PLAC1: variants seen among roughly 807,000 people sequenced by gnomAD.
The protein encoded by PLAC1 is placenta associated 1.
For synonymous variants in PLAC1, 68 were observed against 62.1 expected (o/e 1.09, Z -0.44); for missense variants, 136 against 163.2 (o/e 0.83, Z 0.91).
chrX:134,574,989 A>C (rs1431986757), intron 2 of PLAC1, among the ~76,000 whole-genome samples: 1 of 111,341 alleles, frequency 9.0e-6, no homozygotes, highest in Non-Finnish European at 1.9e-5. Context: ...CTACACATCC[A>C]CTCCCAGTTC....
In PLAC1 at chrX:134,566,548, G is replaced by T. The variant is rs752679500; in HGVS notation, c.135C>A (p.Asn45Lys). ...CATGAAAGTGTACACACACATCGTT[G>T]TTTAGCATGAAGGGGTGCACTGTGA... ...FMVTVHPFML[N>K]NDVCVHFHEL... The change falls in exon 3 of 3, where the codon AAC (asparagine) becomes AAA (lysine). Residue 45 changes from asparagine to lysine, a missense_variant. By Grantham distance (94) the Asn-to-Lys change is moderately conservative. Coordinates refer to ENST00000359237, the MANE Select transcript of PLAC1 (RefSeq NM_021796.4). The T allele has an allele frequency of 8.3e-7, 1 of 1,211,872 alleles. No homozygotes were observed. The highest frequency in any genetic ancestry group is 2.2e-5 in the Admixed American group (1 of 46,061).
chrX:134,699,716 C>T (rs906859947), intron 2 of PLAC1, among the ~76,000 whole-genome samples: 1 of 112,222 alleles, frequency 8.9e-6, no homozygotes, highest in Non-Finnish European at 1.9e-5. Flanking sequence ...CACCTGTTGC[C>T]CTTCTAGAGT....
chrX:134,595,617 GTA>G (rs57890518), intron 2 of PLAC1, among the ~76,000 whole-genome samples: 24,515 of 102,751 alleles, frequency 0.24, 2,670 homozygotes, highest in African/African-American at 0.38. Context: ...TATAATGTGT[GTA>G]TATATATATA....
chrX:134,742,064 T>C (rs1246818946), intron 1 of PLAC1, among the ~76,000 whole-genome samples: 1 of 112,220 alleles, frequency 8.9e-6, no homozygotes, highest in African/African-American at 3.2e-5. Context: ...GAAGAGCCTT[T>C]TTCCACCCTC....
At chrX:134,637,741 G>A (rs756080109) in intron 1 of PLAC1, among the ~76,000 whole-genome samples, 43 of 111,708 alleles carry the variant, frequency 3.8e-4, no homozygotes, top group African/African-American at 1.3e-3. Flanking sequence ...CCAGCTAGTT[G>A]GGAGGTTGAG....
Position 134,735,359 on chromosome X carries a change from T to C in PLAC1, n.90-1840A>G, listed in dbSNP as rs1017306750. 4.5e-5 allele frequency among the ~76,000 whole-genome samples: 5 copies of C among 111,021 alleles called. 1 individual carries two copies. In the Middle Eastern group the frequency reaches 0.014, roughly 308 times the overall value. On this transcript the variant is annotated intron_variant and non_coding_transcript_variant, in intron 1 of 2. Transcript: ENST00000466797. ...CTCTGCAGTATATGCAATAACCATG[T>C]GGTTGTTCTGCAGTGACTATAAATT...
chrX:134,751,709 TC>T (rs2078745412), intron 1 of PLAC1, among the ~76,000 whole-genome samples: 1 of 111,656 alleles, frequency 9.0e-6, no homozygotes, highest in Non-Finnish European at 1.9e-5. Flanking sequence ...CATTCACTCC[TC>T]CAGGATCTTT....
chrX:134,611,658 C>T (rs1355779570), intron 1 of PLAC1, among the ~76,000 whole-genome samples: 4 of 109,652 alleles, frequency 3.6e-5, no homozygotes, highest in Admixed American at 2.0e-4. Flanking sequence ...ATTAAAATTT[C>T]GCAAAAGAAT....
intron 2 of PLAC1, among the ~76,000 whole-genome samples, chrX:134,722,294 C>T (rs1172841899): frequency 8.9e-6 from 1 of 111,904 alleles, no homozygotes; most frequent in African/African-American, 3.2e-5. Flanking sequence ...CATCAGCTGA[C>T]AAATGGATAA....
intron 2 of PLAC1, among the ~76,000 whole-genome samples, chrX:134,687,813 AACATATATAT>A (rs2078522350): frequency 1.7e-5 from 1 of 57,317 alleles, no homozygotes; most frequent in Non-Finnish European, 3.0e-5. Flanking sequence ...GGACTGAGAT[AACATATATAT>A]ATATATATAT....
intron 2 of PLAC1, among the ~76,000 whole-genome samples, chrX:134,571,129 T>C (rs1308696964): frequency 1.8e-5 from 2 of 111,578 alleles, no homozygotes; most frequent in African/African-American, 6.5e-5. Flanking sequence ...AGAGAATGGA[T>C]TGGCCAAAAC....
At chrX:134,610,334 C>T (rs2078146491) in intron 1 of PLAC1, among the ~76,000 whole-genome samples, 1 of 110,822 alleles carries the variant, frequency 9.0e-6, no homozygotes, top group African/African-American at 3.3e-5. Flanking sequence ...ATACCTGGTC[C>T]CCCTCAACCC....
At chrX:134,674,594 G>A (rs182289044) in intron 2 of PLAC1, among the ~76,000 whole-genome samples, 8 of 112,554 alleles carry the variant, frequency 7.1e-5, no homozygotes, top group Admixed American at 2.8e-4. Context: ...GTGCACAGAC[G>A]TAGGTAATTT....
chrX:134,587,650 A>G (rs967379542), intron 2 of PLAC1, among the ~76,000 whole-genome samples: 2 of 111,034 alleles, frequency 1.8e-5, no homozygotes, highest in African/African-American at 6.5e-5. Flanking sequence ...AGCCCTTTAA[A>G]TCCCTCAGTT....
intron 2 of PLAC1, among the ~76,000 whole-genome samples, chrX:134,581,004 C>T (rs2077971413): frequency 8.9e-6 from 1 of 112,135 alleles, no homozygotes; most frequent in Admixed American, 9.5e-5. Context: ...GGGTACCACA[C>T]ATTCTCCAAC....
chrX:134,719,577 G>A (rs907088922), intron 2 of PLAC1, among the ~76,000 whole-genome samples: 3 of 111,452 alleles, frequency 2.7e-5, no homozygotes, highest in Non-Finnish European at 5.6e-5. Flanking sequence ...ATCACTTGAG[G>A]TCAGGAGTTT....
intron 1 of PLAC1, chrX:134,651,107 C>G (rs1489587760): frequency 7.3e-6 from 2 of 273,660 alleles, no homozygotes; most frequent in African/African-American, 5.5e-5. Flanking sequence ...AGCATGTTGT[C>G]TTTATTGCTC....
At chrX:134,613,227 C>G (rs2078162692) in intron 1 of PLAC1, among the ~76,000 whole-genome samples, 1 of 110,762 alleles carries the variant, frequency 9.0e-6, no homozygotes, top group African/African-American at 3.3e-5. Context: ...TCCTGAGACC[C>G]CTTTGCAGAT....
intron 1 of PLAC1, among the ~76,000 whole-genome samples, chrX:134,760,843 G>A (rs2078768033): frequency 9.0e-6 from 1 of 111,013 alleles, no homozygotes; most frequent in Non-Finnish European, 1.9e-5. Context: ...CCAAGTCTAG[G>A]CCTCCAGAGG....
Sources: allele counts gnomAD v4.1 joint callset (sites outside exome capture counted in the v4.1 genomes callset), GRCh38; gene constraint gnomAD v4.1.1; transcripts MANE v1.5; gene names NCBI Gene and HGNC (gene_info 2026-07-23, HGNC 2026-07-21).